The following WDFY2 variants were observed in gnomAD, a reference collection of about 807,000 sequenced individuals.
The protein encoded by WDFY2 is WD repeat and FYVE domain containing 2.
WDFY2 carries 36 observed loss-of-function variants against 56.4 expected under a neutral mutation model. That is an observed-to-expected ratio of 0.64 (90% CI 0.49 to 0.84). The LOEUF (loss-of-function observed/expected upper bound fraction) is 0.84, where lower values mean the gene tolerates loss of function less well. Ranked by LOEUF, WDFY2 falls within the 40% of genes least tolerant of loss-of-function variation. The pLI is 0.00. For missense variants in WDFY2, 444 were observed against 512.2 expected, an observed-to-expected ratio of 0.87 and a Z score of 1.29; for synonymous variants, 176 against 183.7, an observed-to-expected ratio of 0.96 and a Z score of 0.34.
chr13:51,742,792 C>G (rs1208238471), intron 7 of WDFY2, among the ~76,000 whole-genome samples: 1 of 152,124 alleles, frequency 6.6e-6, no homozygotes, highest in African/African-American at 2.4e-5. Flanking sequence ...GAGGCTAGGT[C>G]ACAGCCATGA....
chr13:51,641,346 G>C (rs1955152281), intron 1 of WDFY2, among the ~76,000 whole-genome samples: 1 of 152,002 alleles, frequency 6.6e-6, no homozygotes, highest in Non-Finnish European at 1.5e-5. Flanking sequence ...TGGGATTACA[G>C]GCGTGAGCCA....
chr13:51,670,844 G>T (rs1379375747), intron 2 of WDFY2, among the ~76,000 whole-genome samples: 1 of 152,058 alleles, frequency 6.6e-6, no homozygotes, highest in African/African-American at 2.4e-5. Flanking sequence ...AGTGTACCCA[G>T]TGTGTAGTCT....
chr13:51,714,047 A>T (rs569183229), intron 4 of WDFY2, among the ~76,000 whole-genome samples: 1 of 152,058 alleles, frequency 6.6e-6, no homozygotes, highest in Non-Finnish European at 1.5e-5. Flanking sequence ...GGTGATGGTT[A>T]TACAACAGTG....
rs1040651803 is a variant in WDFY2 at position 51,601,591 on chromosome 13, T to C, written c.137+16767T>C. ...CACCATGCCCGGCTAATTTTTGTAT[T>C]TTTAGTACAGACGGGGGTTTTACCA... On this transcript the variant is annotated intron_variant, in intron 1 of 11. Transcript: ENST00000298125. Among the ~76,000 whole-genome samples the C allele has an allele frequency of 4.6e-5, 7 of 152,242 alleles. No homozygotes were observed. The South Asian group carries it at 1.5e-3, about 32-fold the overall frequency.
chr13:51,719,715 CAT>C (rs1291359972), intron 5 of WDFY2, among the ~76,000 whole-genome samples: 2 of 152,170 alleles, frequency 1.3e-5, no homozygotes, highest in Admixed American at 1.3e-4. Context: ...GTAATTTACA[CAT>C]AGATACCAAA....
intron 5 of WDFY2, among the ~76,000 whole-genome samples, chr13:51,724,431 G>C (rs912339141): frequency 6.6e-6 from 1 of 152,016 alleles, no homozygotes; most frequent in Non-Finnish European, 1.5e-5. Context: ...TAGAGACAGG[G>C]TTTCACTATG....
chr13:51,734,191 G>A (rs776128779), intron 6 of WDFY2, among the ~76,000 whole-genome samples: 2 of 152,080 alleles, frequency 1.3e-5, no homozygotes, highest in Non-Finnish European at 2.9e-5. Flanking sequence ...AACACTCCAC[G>A]TGGTCATTCA....
At chr13:51,641,605 T>A (rs1593919445) in intron 1 of WDFY2, among the ~76,000 whole-genome samples, 1 of 150,296 alleles carries the variant, frequency 6.7e-6, no homozygotes, top group African/African-American at 2.4e-5. Context: ...GGCGGGCGGA[T>A]CACGAGGTCA....
intron 7 of WDFY2, among the ~76,000 whole-genome samples, chr13:51,743,897 C>G (rs1953033326): frequency 1.3e-5 from 2 of 152,196 alleles, no homozygotes; most frequent in Admixed American, 6.5e-5. Context: ...AACTAAAATA[C>G]AGTGGGTTTA....
intron 5 of WDFY2, among the ~76,000 whole-genome samples, chr13:51,723,280 A>G (rs1421912788): frequency 6.6e-6 from 1 of 152,236 alleles, no homozygotes; most frequent in Non-Finnish European, 1.5e-5. Flanking sequence ...CTATTGTTAC[A>G]TCTAAAAATT....
At chr13:51,713,900 G>C (rs945844402) in intron 4 of WDFY2, among the ~76,000 whole-genome samples, 2 of 148,416 alleles carry the variant, frequency 1.3e-5, no homozygotes, top group Non-Finnish European at 3.0e-5. Context: ...TTATATATGA[G>C]ATACTTATGG....
At chr13:51,598,141 C>T (rs1346445307) in intron 1 of WDFY2, among the ~76,000 whole-genome samples, 1 of 152,076 alleles carries the variant, frequency 6.6e-6, no homozygotes, top group African/African-American at 2.4e-5. Flanking sequence ...GGGCAGATCA[C>T]CTGAGTTCAG....
At chr13:51,618,671 A>G (rs1177986045) in intron 1 of WDFY2, among the ~76,000 whole-genome samples, 2 of 152,266 alleles carry the variant, frequency 1.3e-5, no homozygotes, top group Admixed American at 1.3e-4. Context: ...TCTTCCTGTC[A>G]CTCATGACAC....
chr13:51,733,315 G>A (rs1020589865), intron 6 of WDFY2, among the ~76,000 whole-genome samples: 1 of 152,198 alleles, frequency 6.6e-6, no homozygotes, highest in East Asian at 1.9e-4. Context: ...GGGATTACAG[G>A]CGTGAGCCAC....
rs190142427 is a variant in WDFY2 at position 51,670,268 on chromosome 13, T to A, written c.206-4902T>A. 3.7e-4 allele frequency among the ~76,000 whole-genome samples: 56 copies of A among 152,216 alleles called. 1 individual carries two copies. Among genetic ancestry groups the A allele is most frequent in the Middle Eastern group, 6.8e-3 (2 of 294 alleles). ...GCTTTTTTGTTAATTTCTGGTGAGT[T>A]GAAGTTAGAAGGATCTGTGTGTCAA... is the stretch of plus-strand genomic sequence containing the variant. On this transcript the variant is annotated intron_variant, in intron 2 of 11. Coordinates refer to ENST00000298125, the MANE Select transcript of WDFY2 (RefSeq NM_052950.4).
At chr13:51,638,846 T>C (rs940850950) in intron 1 of WDFY2, among the ~76,000 whole-genome samples, 6 of 152,232 alleles carry the variant, frequency 3.9e-5, no homozygotes, top group African/African-American at 1.4e-4. Flanking sequence ...GAAGGGACTA[T>C]GTGGCTTATC....
At chr13:51,642,223 C>T (rs547010875) in intron 1 of WDFY2, among the ~76,000 whole-genome samples, 3 of 152,016 alleles carry the variant, frequency 2.0e-5, no homozygotes, top group Admixed American at 1.3e-4. Flanking sequence ...ATTTATCTTA[C>T]AATTTATATA....
At chr13:51,757,357 G>C (rs771013892) in intron 10 of WDFY2, among the ~76,000 whole-genome samples, 3 of 152,122 alleles carry the variant, frequency 2.0e-5, no homozygotes, top group Non-Finnish European at 4.4e-5. Context: ...GACTTTAAGA[G>C]TTTAAGGGAC....
At position 51,601,280 on chromosome 13, in the gene WDFY2, A is replaced by G. The variant is rs181738002; in HGVS notation, c.137+16456A>G. Among the ~76,000 whole-genome samples the G allele has an allele frequency of 1.9e-3, 282 of 152,314 alleles. 1 individual carries two copies. The highest frequency in any genetic ancestry group is 3.4e-3 in the Middle Eastern group (1 of 294). On this transcript the variant is annotated intron_variant, in intron 1 of 11. Coordinates refer to ENST00000298125, the MANE Select transcript of WDFY2 (RefSeq NM_052950.4). ...ATCCTATCTCAGGGAGGAAGTGGAA[A>G]AGCCTCAAGTATATTAATAGTAATT... is the stretch of plus-strand genomic sequence containing the variant.
Sources: allele counts gnomAD v4.1 joint callset (sites outside exome capture counted in the v4.1 genomes callset), GRCh38; gene constraint gnomAD v4.1.1; transcripts MANE v1.5; gene names NCBI Gene and HGNC (gene_info 2026-07-23, HGNC 2026-07-21).